Variants in GPCPD1 observed in about 807,000 individuals in gnomAD.
GPCPD1 encodes the protein glycerophosphocholine phosphodiesterase 1.
In GPCPD1, 29 loss-of-function variants were observed where a neutral mutation model predicts 89.2. The observed-to-expected ratio is 0.33, with a 90% CI of 0.24 to 0.44. The LOEUF (loss-of-function observed/expected upper bound fraction) is 0.44. GPCPD1 is among the 20% of genes least tolerant of loss of function. GPCPD1 has a pLI of 1.00. For synonymous variants in GPCPD1, 258 were observed against 266.3 expected, an observed-to-expected ratio of 0.97 and a Z score of 0.30; for missense variants, 594 against 808.9, an observed-to-expected ratio of 0.73 and a Z score of 3.22.
chr20:5,558,963 G>A, intron 17 of GPCPD1, 144 bp from the exon 18 acceptor site: 2 of 587,158 alleles, frequency 3.4e-6, no homozygotes, highest in South Asian at 4.8e-5. Flanking sequence ...AACACTTTGG[G>A]AGGCCAAGGC....
At chr20:5,608,154 C>T (rs1980722058) in intron 1 of GPCPD1, among the ~76,000 whole-genome samples, 1 of 152,044 alleles carries the variant, frequency 6.6e-6, no homozygotes, top group Non-Finnish European at 1.5e-5. Context: ...AAATGGAAAA[C>T]TTAAGTAAAT....
At position 5,565,063 on chromosome 20, in the gene GPCPD1, TC is replaced by T; in HGVS notation, c.1282del (p.Glu428ArgfsTer18). 6.5e-7 allele frequency: 1 copy of T among 1,532,816 alleles called. No homozygotes were observed. Among genetic ancestry groups the T allele is most frequent in the Non-Finnish European group, 9.0e-7 (1 of 1,106,178 alleles). The allele number at this position is 1,532,816 out of a possible 1,614,324, so 95.0% of individuals were successfully genotyped here. ...CTGATTTTCTGAAAAGGAATTTTCC[TC>T]CTGAACCACAGATTCTGAAATTTTA... ...SKDRKESVVQ[E>X]ENSFSENQPF... On this transcript the variant is annotated frameshift_variant, in exon 15 of 20. Coordinates refer to ENST00000379019, the MANE Select transcript of GPCPD1 (RefSeq NM_019593.5). LOFTEE classifies it high-confidence loss of function.
intron 13 of GPCPD1, among the ~76,000 whole-genome samples, chr20:5,567,228 A>G (rs1220117914): frequency 6.6e-6 from 1 of 152,232 alleles, no homozygotes; most frequent in Admixed American, 6.5e-5. Flanking sequence ...GCTAGCCACT[A>G]TGGCCTACAA....
chr20:5,549,931 A>G (rs185576885), intron 19 of GPCPD1, among the ~76,000 whole-genome samples: 13 of 152,216 alleles, frequency 8.5e-5, no homozygotes, highest in Non-Finnish European at 1.6e-4. Context: ...GGTGGCTCAC[A>G]CCAGTAATCC....
In GPCPD1 at chr20:5,604,275, C is replaced by T. The variant is rs965994880; in HGVS notation, c.49+89G>A. 4 of 742,082 alleles carry T rather than the reference C, an allele frequency of 5.4e-6. No individual in the cohort carries two copies. The African/African-American group carries it at 7.1e-5, about 13-fold the overall frequency. The allele number at this position is 742,082 out of a possible 1,614,324, so 46.0% of individuals were successfully genotyped here. On this transcript the variant is annotated intron_variant, in intron 2 of 19. Transcript: ENST00000379019. ...ATTTTCATCTAAAAAATCAGGCCCACTCTAATAGCAACTCCATATTTAAGG... is the reference window on the plus strand; with the variant it reads ...ATTTTCATCTAAAAAATCAGGCCCATTCTAATAGCAACTCCATATTTAAGG...
At position 5,576,419 on chromosome 20, in the gene GPCPD1, CAAA is replaced by C. The variant is rs11286776; in HGVS notation, c.706-444_706-442del. On this transcript the variant is annotated intron_variant, in intron 8 of 19. Transcript: ENST00000379019. The stretch of plus-strand genomic sequence containing the variant: ...TGGACAACAGAGCAACACTCCATCT[CAAA>C]AAAAAAAAAAAAAAAAAATTCAACA... Among the ~76,000 whole-genome samples, 143 of 90,738 alleles carry C rather than the reference CAAA, an allele frequency of 1.6e-3. 1 individual carries two copies. The highest frequency in any genetic ancestry group is 4.6e-3 in the African/African-American group (98 of 21,462). The allele number at this position is 90,738 out of a possible 152,430, so 59.5% of individuals were successfully genotyped here. A position where few individuals can be genotyped will look rare whatever the true frequency, so the allele number is the denominator to read the frequency against.
chr20:5,583,028 A>G (rs1978657442), intron 6 of GPCPD1, among the ~76,000 whole-genome samples: 1 of 151,700 alleles, frequency 6.6e-6, no homozygotes, highest in Non-Finnish European at 1.5e-5. Flanking sequence ...TGAAGTCGGG[A>G]GTTCAAGACC....
intron 19 of GPCPD1, among the ~76,000 whole-genome samples, chr20:5,557,576 G>A (rs1049615509): frequency 1.3e-5 from 2 of 152,024 alleles, no homozygotes; most frequent in Admixed American, 6.6e-5. Flanking sequence ...AGAGGTCTAG[G>A]GAAGGGTCTG....
chr20:5,546,350 G>A lies in GPCPD1; in HGVS notation c.*1311C>T. 1 of 152,166 alleles carries A rather than the reference G, an allele frequency of 6.6e-6. No homozygotes were observed. 9.4% of individuals were successfully genotyped at this position (152,166 alleles called of 1,614,324 possible). A position where few individuals can be genotyped will look rare whatever the true frequency, so the allele number is the denominator to read the frequency against. ...TAAACTGCCTTGTGAAAAACATGCA[G>A]TAAAAGGTAGATGCAAATAAGCCAT... is the stretch of plus-strand genomic sequence containing the variant. On this transcript the variant is annotated 3_prime_UTR_variant, in exon 20 of 20. Coordinates refer to ENST00000379019, the MANE Select transcript of GPCPD1 (RefSeq NM_019593.5).
intron 6 of GPCPD1, among the ~76,000 whole-genome samples, chr20:5,583,867 T>A (rs1222165917): frequency 6.6e-6 from 1 of 152,206 alleles, no homozygotes; most frequent in Admixed American, 6.5e-5. Context: ...ACACTTTTAA[T>A]TATATAACAT....
At chr20:5,574,032 G>C in intron 10 of GPCPD1, 63 bp from the exon 11 acceptor site, 1 of 905,294 alleles carries the variant, frequency 1.1e-6, no homozygotes, top group Non-Finnish European at 1.8e-6. Flanking sequence ...ATGTAATAAA[G>C]AAGCAAAGTG....
At position 5,592,891 on chromosome 20, in the gene GPCPD1, A is replaced by C. The variant is rs527847611; in HGVS notation, c.231+436T>G. On this transcript the variant is annotated intron_variant, in intron 4 of 19. Coordinates refer to ENST00000379019, the MANE Select transcript of GPCPD1 (RefSeq NM_019593.5). ...AAGGAATCAATTAAATTTTGATCAGAGTTAACACAGCCACTAAGAGATGGC... is the reference window on the plus strand; with the variant it reads ...AAGGAATCAATTAAATTTTGATCAGCGTTAACACAGCCACTAAGAGATGGC... Among the ~76,000 whole-genome samples, 26 of 152,334 alleles carry C rather than the reference A, an allele frequency of 1.7e-4. No individual in the cohort carries two copies. In the South Asian group the frequency reaches 3.7e-3, roughly 22 times the overall value.
intron 2 of GPCPD1, among the ~76,000 whole-genome samples, chr20:5,604,038 C>G (rs572113429): frequency 1.3e-5 from 2 of 152,160 alleles, no homozygotes; most frequent in East Asian, 3.9e-4. Context: ...TAAGCCACTG[C>G]GCCCGGCCTA....
intron 14 of GPCPD1, among the ~76,000 whole-genome samples, chr20:5,565,356 C>T (rs946868918): frequency 3.3e-5 from 5 of 151,910 alleles, no homozygotes; most frequent in South Asian, 2.1e-4. Flanking sequence ...CTCAGACTCC[C>T]GAGTAGCTAT....
At chr20:5,592,287 T>C (rs1195905197) in intron 4 of GPCPD1, among the ~76,000 whole-genome samples, 1 of 152,220 alleles carries the variant, frequency 6.6e-6, no homozygotes, top group East Asian at 1.9e-4. Context: ...CCATGATGCA[T>C]AACCCCATGC....
chr20:5,587,316 C>T (rs1046388680), intron 4 of GPCPD1, among the ~76,000 whole-genome samples: 10 of 151,852 alleles, frequency 6.6e-5, no homozygotes, highest in Admixed American at 5.2e-4. Context: ...GGATAATCAC[C>T]ATCAAGATTT....
At chr20:5,558,216 G>A in intron 18 of GPCPD1, 111 bp from the exon 19 acceptor site, 1 of 565,046 alleles carries the variant, frequency 1.8e-6, no homozygotes, top group Non-Finnish European at 3.0e-6. Flanking sequence ...AAAAGAAAAT[G>A]GTAGATTTTT....
chr20:5,567,877 A>G, intron 12 of GPCPD1: 1 of 212,044 alleles, frequency 4.7e-6, no homozygotes, highest in Non-Finnish European at 9.3e-6. Context: ...CATCTCCCCT[A>G]CTTCCTGTTA....
chr20:5,580,509 A>G (rs572309591), intron 6 of GPCPD1, among the ~76,000 whole-genome samples: 3 of 152,006 alleles, frequency 2.0e-5, no homozygotes, highest in Non-Finnish European at 1.5e-5. Flanking sequence ...GCGGATTACG[A>G]AGTCAGGAGA....
Sources: allele counts gnomAD v4.1 joint callset (sites outside exome capture counted in the v4.1 genomes callset), GRCh38; gene constraint gnomAD v4.1.1; transcripts MANE v1.5; gene names NCBI Gene and HGNC (gene_info 2026-07-23, HGNC 2026-07-21).